OSBPL8: variants seen among roughly 807,000 people sequenced by gnomAD.
OSBPL8 encodes the protein oxysterol binding protein like 8, also known as oxysterol-binding protein-related protein 8.
In OSBPL8, 59 loss-of-function variants were observed where a neutral mutation model predicts 125.5. That is an observed-to-expected ratio of 0.47 (90% CI 0.38 to 0.58). The LOEUF (loss-of-function observed/expected upper bound fraction) is 0.58. Ranked by LOEUF, OSBPL8 falls within the 20% of genes least tolerant of loss-of-function variation. The pLI, the probability that OSBPL8 is intolerant of heterozygous loss-of-function variation, is 0.00. For synonymous variants in OSBPL8, 330 were observed against 338.9 expected, an observed-to-expected ratio of 0.97 and a Z score of 0.29; for missense variants, 758 against 1,047.8, an observed-to-expected ratio of 0.72 and a Z score of 3.82.
chr12:76,461,313 G>A (rs955538134), intron 2 of OSBPL8, among the ~76,000 whole-genome samples: 4 of 152,096 alleles, frequency 2.6e-5, no homozygotes, highest in Non-Finnish European at 5.9e-5. Context: ...ATTACCCTGG[G>A]GAAAGCCAAC....
intron 1 of OSBPL8, among the ~76,000 whole-genome samples, chr12:76,513,446 T>C (rs766826289): frequency 2.0e-5 from 3 of 152,248 alleles, no homozygotes; most frequent in Non-Finnish European, 2.9e-5. Flanking sequence ...TCAGATCCAT[T>C]TGATCTAATG....
rs141669024 is a variant in OSBPL8 at position 76,361,575 on chromosome 12, G to A, written c.2329-2764C>T. ...ATTTACTATATTAGTCCATATTTAC[G>A]CTGCTGATAAAGACATACCCGAGAT... On this transcript the variant is annotated intron_variant, in intron 21 of 23. Coordinates refer to ENST00000261183, the MANE Select transcript of OSBPL8 (RefSeq NM_020841.5). Among the ~76,000 whole-genome samples the A allele has an allele frequency of 8.0e-3, 1,210 of 152,142 alleles. 9 individuals carry two copies. The highest frequency in any genetic ancestry group is 0.013 in the Non-Finnish European group (884 of 68,008).
chr12:76,453,084 T>C (rs998982896), intron 3 of OSBPL8, among the ~76,000 whole-genome samples: 1 of 152,142 alleles, frequency 6.6e-6, no homozygotes, highest in Non-Finnish European at 1.5e-5. Context: ...TTGTAGCTCC[T>C]ATCATTATCT....
At chr12:76,425,534 C>T (rs1870043083) in intron 4 of OSBPL8, among the ~76,000 whole-genome samples, 1 of 152,146 alleles carries the variant, frequency 6.6e-6, no homozygotes, top group South Asian at 2.1e-4. Flanking sequence ...AACAGGACAT[C>T]CAATATAAAA....
intron 12 of OSBPL8, 88 bp from the exon 13 acceptor site, chr12:76,386,748 A>G (rs905222211): frequency 2.4e-6 from 2 of 845,548 alleles, no homozygotes; most frequent in Admixed American, 5.0e-5. Context: ...AGTATGAAAC[A>G]TGATTGGAAA....
intron 4 of OSBPL8, among the ~76,000 whole-genome samples, chr12:76,448,173 C>T (rs1172254490): frequency 6.6e-6 from 1 of 152,110 alleles, no homozygotes; most frequent in Non-Finnish European, 1.5e-5. Flanking sequence ...AATATTCACG[C>T]TGTACCCTAA....
chr12:76,546,417 A>C (rs2137462457), intron 1 of OSBPL8, among the ~76,000 whole-genome samples: 1 of 152,282 alleles, frequency 6.6e-6, no homozygotes, highest in South Asian at 2.1e-4. Context: ...ATTCTTGGGA[A>C]AATAATAAGA....
rs1163372523 is a variant in OSBPL8 at position 76,405,061 on chromosome 12, C to A, written c.289-2295G>T. ...GATGAGCTGGGATTTGTACCCTACT[C>A]TAATTCCCAGCTTCATGTTCTTAGT... On this transcript the variant is annotated intron_variant, in intron 5 of 23. Coordinates refer to ENST00000261183, the MANE Select transcript of OSBPL8 (RefSeq NM_020841.5). 7.2e-5 allele frequency among the ~76,000 whole-genome samples: 11 copies of A among 152,320 alleles called. No individual in the cohort carries two copies. The East Asian group carries it at 2.1e-3, about 29-fold the overall frequency.
chr12:76,390,489 G>C lies in OSBPL8; in HGVS notation c.1098C>G (p.Ile366Met), dbSNP rs1332757212. 1 of 1,613,826 alleles carries C rather than the reference G, an allele frequency of 6.2e-7. No individual in the cohort carries two copies. Residue 366 changes from isoleucine (I) to methionine (M), a missense_variant, in exon 11 of 24, where the codon ATC becomes ATG. Physicochemically the swap from Ile to Met is conservative, Grantham distance 10. Coordinates refer to ENST00000261183, the MANE Select transcript of OSBPL8 (RefSeq NM_020841.5). ...TTAAAGGCTCAACAGGCTCAGGTTC[G>C]ATATATGAGTCATCTTGTCTTTCTG... The part of the protein sequence containing the change: ...DTSERQDDSY[I>M]EPEPVEPLKE...
intron 14 of OSBPL8, 75 bp from the exon 15 acceptor site, chr12:76,384,425 A>G: frequency 1.2e-6 from 1 of 822,622 alleles, no homozygotes; most frequent in Non-Finnish European, 1.7e-6. Context: ...AGATAAGCAT[A>G]TTATTGTGCC....
chr12:76,468,258 A>C (rs1326796666), intron 2 of OSBPL8, among the ~76,000 whole-genome samples: 1 of 152,060 alleles, frequency 6.6e-6, no homozygotes, highest in Non-Finnish European at 1.5e-5. Flanking sequence ...TTTAAAAATA[A>C]ACCCCAAACA....
chr12:76,369,886 A>C, intron 19 of OSBPL8, 64 bp from the exon 20 acceptor site: 2 of 1,419,994 alleles, frequency 1.4e-6, no homozygotes, highest in Non-Finnish European at 1.9e-6. Context: ...TCTATATAGA[A>C]TAGGCCTCAA....
chr12:76,429,382 C>T (rs1174147343), intron 4 of OSBPL8, among the ~76,000 whole-genome samples: 2 of 151,798 alleles, frequency 1.3e-5, no homozygotes, highest in East Asian at 3.9e-4. Context: ...TTAGTTTCCG[C>T]TCTTACTGAG....
intron 1 of OSBPL8, among the ~76,000 whole-genome samples, chr12:76,558,336 T>C (rs139533440): frequency 3.9e-5 from 6 of 152,134 alleles, no homozygotes; most frequent in African/African-American, 1.4e-4. Flanking sequence ...TCTAGGAAAT[T>C]AGCAAAATTT....
chr12:76,410,074 A>G (rs1410020166), intron 5 of OSBPL8, among the ~76,000 whole-genome samples: 2 of 152,204 alleles, frequency 1.3e-5, no homozygotes, highest in African/African-American at 4.8e-5. Flanking sequence ...AACAGGCCTA[A>G]GAATGTGTCT....
chr12:76,491,907 T>C (rs2137054901), intron 1 of OSBPL8, among the ~76,000 whole-genome samples: 1 of 152,224 alleles, frequency 6.6e-6, no homozygotes, highest in South Asian at 2.1e-4. Context: ...CTTTGAAAAA[T>C]ATTTTACTGA....
chr12:76,513,180 T>C (rs1164555887), intron 1 of OSBPL8, among the ~76,000 whole-genome samples: 1 of 152,240 alleles, frequency 6.6e-6, no homozygotes, highest in East Asian at 1.9e-4. Context: ...TGATTTTGGT[T>C]CGTTTGCATT....
At chr12:76,511,265 C>T (rs1210539589) in intron 1 of OSBPL8, among the ~76,000 whole-genome samples, 1 of 152,158 alleles carries the variant, frequency 6.6e-6, no homozygotes, top group African/African-American at 2.4e-5. Flanking sequence ...TACCCAGTAA[C>T]GGGACTGCTG....
intron 2 of OSBPL8, among the ~76,000 whole-genome samples, 186 bp from the exon 3 acceptor site, chr12:76,460,081 C>T (rs1346744207): frequency 1.3e-5 from 2 of 152,038 alleles, no homozygotes; most frequent in African/African-American, 4.8e-5. Context: ...CTTTTCCACA[C>T]ACAAAAAAAG....
Sources: gnomAD v4.1 joint callset for allele counts (sites outside exome capture counted in the v4.1 genomes callset) on GRCh38, gnomAD v4.1.1 for gene constraint, MANE v1.5 for transcripts, NCBI Gene and HGNC (gene_info 2026-07-23, HGNC 2026-07-21) for gene names.